The following TTC28 variants were observed in gnomAD, a reference collection of about 807,000 sequenced individuals.
The protein encoded by TTC28 is tetratricopeptide repeat protein 28.
A neutral mutation model predicts 198.0 loss-of-function variants in TTC28; 61 were observed. The ratio of observed to expected loss-of-function variants is 0.31; its 90% CI spans 0.25 to 0.38. The LOEUF is 0.38. TTC28 is among the 10% of genes least tolerant of loss of function. TTC28 has a pLI of 1.00. For missense variants in TTC28, 2,678 were observed against 3,164.0 expected (o/e 0.85, Z 3.69); for synonymous variants, 1,171 against 1,297.8 (o/e 0.90, Z 2.10).
In TTC28 at chr22:28,080,557, T is replaced by TCA. The variant is rs1057226317; in HGVS notation, c.3932+13522_3932+13523insTG. Among the ~76,000 whole-genome samples the TCA allele has an allele frequency of 8.3e-4, 127 of 152,188 alleles. 1 individual carries two copies. Among genetic ancestry groups the TCA allele is most frequent in the African/African-American group, 2.9e-3 (120 of 41,518 alleles). ...TTGTTGTTGTTGTTGTTGTTGTTGT[T>TCA]AAGTTGTAGGAGTTTTTATATATTC... On this transcript the variant is annotated intron_variant, in intron 12 of 22. Transcript: ENST00000397906.
intron 12 of TTC28, among the ~76,000 whole-genome samples, chr22:28,074,622 A>T (rs560937353): frequency 3.9e-4 from 59 of 152,208 alleles, no homozygotes; most frequent in Non-Finnish European, 5.4e-4. Context: ...CTGGTACAAG[A>T]CAGCCTAGAT....
chr22:28,349,196 G>C (rs2045953303), intron 2 of TTC28, among the ~76,000 whole-genome samples: 1 of 151,906 alleles, frequency 6.6e-6, no homozygotes, highest in Non-Finnish European at 1.5e-5. Flanking sequence ...CACACACACA[G>C]ACATGTACAC....
intron 5 of TTC28, among the ~76,000 whole-genome samples, chr22:28,214,580 A>G (rs528647627): frequency 6.6e-6 from 1 of 152,350 alleles, no homozygotes; most frequent in African/African-American, 2.4e-5. Context: ...AACCACAATG[A>G]GATACCATCT....
At chr22:28,092,934 A>G (rs1045160430) in intron 12 of TTC28, among the ~76,000 whole-genome samples, 2 of 152,196 alleles carry the variant, frequency 1.3e-5, no homozygotes, top group African/African-American at 4.8e-5. Flanking sequence ...AAATTCTTAT[A>G]TTTGGCTACT....
At chr22:28,602,924 G>C (rs2050664595) in intron 2 of TTC28, among the ~76,000 whole-genome samples, 1 of 152,148 alleles carries the variant, frequency 6.6e-6, no homozygotes, top group Non-Finnish European at 1.5e-5. Context: ...CTGTCGCCCA[G>C]GCTGGAGTGC....
intron 2 of TTC28, among the ~76,000 whole-genome samples, chr22:28,607,823 C>T (rs528160642): frequency 6.6e-6 from 1 of 152,244 alleles, no homozygotes; most frequent in South Asian, 2.1e-4. Context: ...TCCCAAATCC[C>T]TCAGGTTCTC....
At chr22:28,387,293 G>A (rs955534557) in intron 2 of TTC28, among the ~76,000 whole-genome samples, 55 of 152,206 alleles carry the variant, frequency 3.6e-4, no homozygotes, top group African/African-American at 1.2e-3. Flanking sequence ...GAATAATGCC[G>A]CAATAAACAT....
intron 5 of TTC28, among the ~76,000 whole-genome samples, chr22:28,247,941 C>A (rs1370703778): frequency 2.0e-5 from 3 of 151,726 alleles, no homozygotes; most frequent in East Asian, 1.9e-4. Context: ...ATTTTTAATA[C>A]AAAAAAAATC....
chr22:28,375,980 G>A (rs2046404192), intron 2 of TTC28, among the ~76,000 whole-genome samples: 1 of 152,180 alleles, frequency 6.6e-6, no homozygotes, highest in African/African-American at 2.4e-5. Context: ...TTACACCATT[G>A]GCTGCCCTGG....
At chr22:28,081,048 C>CTG (rs144752104) in intron 12 of TTC28, among the ~76,000 whole-genome samples, 12,120 of 151,842 alleles carry the variant, frequency 0.08, 517 homozygotes, top group South Asian at 0.091. Context: ...GTTTATATGT[C>CTG]TGTTTATGTC....
At chr22:28,629,165 A>G (rs2051126726) in intron 2 of TTC28, among the ~76,000 whole-genome samples, 1 of 152,286 alleles carries the variant, frequency 6.6e-6, no homozygotes, top group Middle Eastern at 3.4e-3. Flanking sequence ...ATAAACAGTC[A>G]TTGACAGAGA....
intron 5 of TTC28, among the ~76,000 whole-genome samples, chr22:28,169,681 G>A (rs1477386842): frequency 6.6e-6 from 1 of 152,092 alleles, no homozygotes; most frequent in Non-Finnish European, 1.5e-5. Context: ...GGGTTGTGGG[G>A]AGCGGGGAGG....
In TTC28 at chr22:28,114,903, A is replaced by G. The variant is rs540436921; in HGVS notation, c.1442-6500T>C. ...GTCAGGCCAATACAGATATTTTTAA[A>G]TGCAGGTAATTCCAAAAATATGTAT... On this transcript the variant is annotated intron_variant, in intron 6 of 22. Transcript: ENST00000397906. 3.9e-5 allele frequency among the ~76,000 whole-genome samples: 6 copies of G among 152,270 alleles called. No individual in the cohort carries two copies. In the South Asian group the frequency reaches 6.2e-4, roughly 16 times the overall value.
intron 12 of TTC28, among the ~76,000 whole-genome samples, chr22:28,080,531 T>TTTGTTGTTG (rs144270652): frequency 0.06 from 9,097 of 151,982 alleles, 310 homozygotes; most frequent in South Asian, 0.082. Flanking sequence ...TAAATTGGAT[T>TTTGTTGTTG]TTGTTGTTGT....
At chr22:28,333,959 T>C (rs2045660051) in intron 2 of TTC28, among the ~76,000 whole-genome samples, 1 of 152,036 alleles carries the variant, frequency 6.6e-6, no homozygotes, top group Non-Finnish European at 1.5e-5. Flanking sequence ...CATTAACTCT[T>C]CATTTAATAT....
chr22:28,537,971 G>GA (rs924902172), intron 2 of TTC28, among the ~76,000 whole-genome samples: 4 of 147,930 alleles, frequency 2.7e-5, no homozygotes, highest in African/African-American at 7.5e-5. Flanking sequence ...TCTCTTAAAA[G>GA]AAAAAAAAAG....
At chr22:28,348,186 T>C (rs567139907) in intron 2 of TTC28, among the ~76,000 whole-genome samples, 1 of 152,310 alleles carries the variant, frequency 6.6e-6, no homozygotes, top group East Asian at 1.9e-4. Context: ...GCCATTACTC[T>C]CTTAGACACT....
chr22:28,184,999 C>T (rs1924057372), intron 5 of TTC28, among the ~76,000 whole-genome samples: 1 of 152,112 alleles, frequency 6.6e-6, no homozygotes, highest in African/African-American at 2.4e-5. Flanking sequence ...AGGTGCTCAG[C>T]AAATACCTGA....
At chr22:28,595,909 C>A (rs1350695494) in intron 2 of TTC28, among the ~76,000 whole-genome samples, 1 of 152,082 alleles carries the variant, frequency 6.6e-6, no homozygotes, top group African/African-American at 2.4e-5. Context: ...AGCAACAGAG[C>A]GAGACTCTGT....
Sources: allele counts gnomAD v4.1 joint callset (sites outside exome capture counted in the v4.1 genomes callset), GRCh38; gene constraint gnomAD v4.1.1; transcripts MANE v1.5; gene names NCBI Gene and HGNC (gene_info 2026-07-23, HGNC 2026-07-21).